CTU2: variants seen among roughly 807,000 people sequenced by gnomAD.
CTU2 encodes the protein cytosolic thiouridylase subunit 2, also known as cytoplasmic tRNA 2-thiolation protein 2.
CTU2 carries 80 observed loss-of-function variants against 64.1 expected under a neutral mutation model. The observed-to-expected ratio is 1.25, with a 90% CI of 1.04 to 1.50. The LOEUF is 1.50. CTU2 is among the 40% of genes most tolerant of loss of function. CTU2 has a pLI of 0.00. For synonymous variants in CTU2, 482 were observed against 285.3 expected (o/e 1.69, Z -6.95); for missense variants, 1,110 against 690.2 (o/e 1.61, Z -6.81).
chr16:88,706,659 C>T, intron 1 of CTU2, 61 bp downstream of exon 1: 2 of 1,232,582 alleles, frequency 1.6e-6, no homozygotes, highest in African/African-American at 1.6e-5. Flanking sequence ...ACTCCTGCCC[C>T]GAAGGGTCCC....
rs749568507 is a variant in CTU2 at position 88,710,303 on chromosome 16, G to A, written c.282+21G>A. ...TTGAGGTGCGTGTTCACCACCCCGT[G>A]GGCCCGGGCTGCTGGGCTGAGCTTC... On this transcript the variant is annotated intron_variant, in intron 4 of 14. Coordinates refer to ENST00000453996, the MANE Select transcript of CTU2 (RefSeq NM_001012759.3). 9.9e-6 allele frequency: 16 copies of A among 1,613,616 alleles called. 1 individual carries two copies. In the South Asian group the frequency reaches 1.6e-4, roughly 17 times the overall value.
intron 8 of CTU2, 29 bp from the exon 9 acceptor site, chr16:88,713,618 C>T (rs779773167): frequency 6.2e-7 from 1 of 1,605,870 alleles, no homozygotes; most frequent in South Asian, 1.1e-5. Context: ...GGGCCTTGAC[C>T]TGGACCACAC....
chr16:88,708,491 G>A (rs929639688), intron 2 of CTU2, among the ~76,000 whole-genome samples: 12 of 152,126 alleles, frequency 7.9e-5, no homozygotes, highest in African/African-American at 2.7e-4. Context: ...CAGTGCGGAG[G>A]TGAAGCCCAG....
At position 88,714,380 on chromosome 16, in the gene CTU2, C is replaced by T. The variant is rs773498927; in HGVS notation, c.1098-3C>T. ...ACCTGCTCCTCCCACAATCCGGCCACAGGACAAGTGAGAAGCTGGTGAAGG... is the reference window on the plus strand; with the variant it reads ...ACCTGCTCCTCCCACAATCCGGCCATAGGACAAGTGAGAAGCTGGTGAAGG... On this transcript the variant is annotated splice_region_variant and splice_polypyrimidine_tract_variant and intron_variant, in intron 10 of 14. Coordinates refer to ENST00000453996, the MANE Select transcript of CTU2 (RefSeq NM_001012759.3). 7 of 1,612,376 alleles carry T rather than the reference C, an allele frequency of 4.3e-6. No homozygotes were observed. Among genetic ancestry groups the T allele is most frequent in the East Asian group, 2.2e-5 (1 of 44,872 alleles).
In CTU2 at chr16:88,706,588, C is replaced by A; in HGVS notation, c.58C>A (p.Pro20Thr). 2 of 1,453,046 alleles carry A rather than the reference C, an allele frequency of 1.4e-6. No individual in the cohort carries two copies. Among genetic ancestry groups the A allele is most frequent in the Non-Finnish European group, 1.8e-6 (2 of 1,109,858 alleles). 90.0% of individuals were successfully genotyped at this position (1,453,046 alleles called of 1,614,324 possible). A position where few individuals can be genotyped will look rare whatever the true frequency, so the allele number is the denominator to read the frequency against. ...EPAPEEPPPA[P>T]RPSREQKCVK... is the part of the protein sequence containing the mutation. ...GGCGCCTGAGGAGCCGCCCCCGGCG[C>A]CGCGGCCCAGGTAAGAGCTGGCGGC... is the stretch of plus-strand genomic sequence containing the variant. Residue 20 changes from proline (P) to threonine (T), a missense_variant, in exon 1 of 15, where the codon CCG becomes ACG. By Grantham distance (38) the Pro-to-Thr change is conservative (BLOSUM62 -1). Transcript: ENST00000453996.
At position 88,707,136 on chromosome 16, in the gene CTU2, C is replaced by T. The variant is rs1164064240; in HGVS notation, c.69C>T (p.Ser23=). The T allele has an allele frequency of 5.0e-6, 8 of 1,613,752 alleles. No individual in the cohort carries two copies. The South Asian group carries it at 6.6e-5, about 13-fold the overall frequency. The change falls in exon 2 of 15, where the codon AGC becomes AGT. Residue 23 remains serine, a splice_region_variant and synonymous_variant. Transcript: ENST00000453996. ...CTTCTCCCCCCTCCCATCTCCAAAG[C>T]CGTGAGCAGAAGTGTGTGAAGTGCA... ...PEEPPPAPRP[S]REQKCVKCKE... is the part of the protein sequence containing the mutation.
chr16:88,714,187 C>G lies in CTU2; in HGVS notation c.1057C>G (p.Leu353Val), dbSNP rs919039314. The G allele has an allele frequency of 6.2e-7, 1 of 1,612,676 alleles. No homozygotes were observed. The highest frequency in any genetic ancestry group is 1.1e-5 in the South Asian group (1 of 91,084). The change falls in exon 10 of 15, where the codon CTG becomes GTG. Residue 353 changes from leucine to valine, a missense_variant. Leu to Val is a conservative substitution (Grantham distance 32, BLOSUM62 1). Coordinates refer to ENST00000453996, the MANE Select transcript of CTU2 (RefSeq NM_001012759.3). ...GCTGATGGAGGCCTTCATCCTCAGG[C>G]TGCAGACCCAGTTCCCCTCCACTGT... ...HRLMEAFILR[L>V]QTQFPSTVST...
At position 88,706,541 on chromosome 16, in the gene CTU2, T is replaced by G; in HGVS notation, c.11T>G (p.Val4Gly). ...GGACCCGGCGTGCCCATGTGTCAGGTGGGCGAGGACTACGGGGAGCCGGCG... is the reference window on the plus strand; with the variant it reads ...GGACCCGGCGTGCCCATGTGTCAGGGGGGCGAGGACTACGGGGAGCCGGCG... MCQ[V>G]GEDYGEPAPE... Residue 4 changes from valine (V) to glycine (G), a missense_variant, in exon 1 of 15, where the codon GTG (valine) becomes GGG (glycine). Val to Gly is a moderately radical substitution (Grantham distance 109, BLOSUM62 -3). Coordinates refer to ENST00000453996, the MANE Select transcript of CTU2 (RefSeq NM_001012759.3). The G allele has an allele frequency of 6.9e-7, 1 of 1,457,308 alleles. No homozygotes were observed. The highest frequency in any genetic ancestry group is 9.0e-7 in the Non-Finnish European group (1 of 1,111,678). 90.3% of individuals were successfully genotyped at this position (1,457,308 alleles called of 1,614,324 possible).
At chr16:88,713,494 C>G (rs535416172) in intron 8 of CTU2, 47 bp downstream of exon 8, 2 of 1,551,144 alleles carry the variant, frequency 1.3e-6, no homozygotes, top group Non-Finnish European at 1.7e-6. Context: ...CACCTTCACC[C>G]CTTCGGCCAC....
chr16:88,711,709 T>C lies in CTU2; in HGVS notation c.343+14T>C. 2.5e-6 allele frequency: 4 copies of C among 1,606,396 alleles called. No individual in the cohort carries two copies. Among genetic ancestry groups the C allele is most frequent in the South Asian group, 1.1e-5 (1 of 90,078 alleles). ...TCTTTGTTGACGGTATGTGGGGCCA[T>C]TGCTCCTCCTAGTCCCTGGCCACTT... On this transcript the variant is annotated intron_variant, in intron 5 of 14. Coordinates refer to ENST00000453996, the MANE Select transcript of CTU2 (RefSeq NM_001012759.3).
intron 9 of CTU2, 109 bp from the exon 10 acceptor site, chr16:88,714,027 C>T: frequency 8.5e-7 from 1 of 1,172,506 alleles, no homozygotes; most frequent in Non-Finnish European, 1.3e-6. Flanking sequence ...CAAAGCCAGA[C>T]CCATGTGGGC....
In CTU2 at chr16:88,714,031, T is replaced by C. The variant is rs1911626047; in HGVS notation, c.1006-105T>C. The C allele has an allele frequency of 1.4e-5, 17 of 1,185,740 alleles. No individual in the cohort carries two copies. The South Asian group carries it at 1.7e-4, about 12-fold the overall frequency. 73.5% of individuals were successfully genotyped at this position (1,185,740 alleles called of 1,614,324 possible). ...AGCAGTCGCAGCAAAGCCAGACCCA[T>C]GTGGGCCAGCAGCGTGGAACCCACG... On this transcript the variant is annotated intron_variant, in intron 9 of 14. Coordinates refer to ENST00000453996, the MANE Select transcript of CTU2 (RefSeq NM_001012759.3).
Position 88,708,421 on chromosome 16 carries a change from T to A in CTU2, c.143+1211T>A, listed in dbSNP as rs553206121. Reference sequence around the variant, plus strand: ...GGAGCCCAGACGCAGCATGTACACGTGGACCCACCACGCTTGAATCCCAGC... The same window carrying A: ...GGAGCCCAGACGCAGCATGTACACGAGGACCCACCACGCTTGAATCCCAGC... On this transcript the variant is annotated intron_variant, in intron 2 of 14. Transcript: ENST00000453996. Among the ~76,000 whole-genome samples the A allele has an allele frequency of 6.1e-3, 922 of 152,246 alleles. 12 individuals are homozygous for A. Among genetic ancestry groups the A allele is most frequent in the African/African-American group, 0.021 (862 of 41,528 alleles).
At chr16:88,707,684 C>A (rs534811727) in intron 2 of CTU2, among the ~76,000 whole-genome samples, 1 of 152,168 alleles carries the variant, frequency 6.6e-6, no homozygotes, top group Non-Finnish European at 1.5e-5. Flanking sequence ...TCTTTCTTGG[C>A]TTGTAGCCAT....
chr16:88,708,614 C>T (rs1034225455), intron 2 of CTU2, among the ~76,000 whole-genome samples: 3 of 152,180 alleles, frequency 2.0e-5, no homozygotes, highest in Non-Finnish European at 4.4e-5. Context: ...CACCTGGCAT[C>T]TTGCTGTTAA....
Position 88,713,433 on chromosome 16 carries a change from C to A in CTU2, c.859C>A (p.Leu287Met). The A allele has an allele frequency of 6.3e-7, 1 of 1,584,754 alleles. No individual in the cohort carries two copies. Residue 287 changes from leucine (L) to methionine (M), a missense_variant, in exon 8 of 15, where the codon CTG (leucine) becomes ATG (methionine). Coordinates refer to ENST00000453996, the MANE Select transcript of CTU2 (RefSeq NM_001012759.3). ...TNLALGRGAF[L>M]AWDTGFSDER... ...CCTGGCGCTGGGTCGAGGGGCCTTC[C>A]TGGCCTGGGATACGGTAGGCAGGGG...
chr16:88,709,272 A>T (rs1404763542), intron 2 of CTU2: 1 of 152,278 alleles, frequency 6.6e-6, no homozygotes, highest in Non-Finnish European at 1.5e-5. Flanking sequence ...ACACATCGAG[A>T]CCCTGTCTCT....
rs764367702 is a variant in CTU2 at position 88,714,709 on chromosome 16, C to G, written c.1324C>G (p.Gln442Glu). Residue 442 changes from glutamine (Q) to glutamate (E), a missense_variant, in exon 12 of 15, where the codon CAG becomes GAG. Physicochemically the swap from Gln to Glu is conservative, Grantham distance 29. Transcript: ENST00000453996. ...CTGTTCTCCAGGGGTGGGCTGGGCC[C>G]AGCGCTGTGGCCAGGGGGCCTGCAG... Reference protein sequence around the residue: ...PCCSPGVGWAQRCGQGACRRE... With the variant: ...PCCSPGVGWAERCGQGACRRE... 2 of 1,609,928 alleles carry G rather than the reference C, an allele frequency of 1.2e-6. No homozygotes were observed. The highest frequency in any genetic ancestry group is 1.7e-4 in the Middle Eastern group (1 of 6,056).
At chr16:88,713,923 C>A (rs1271988986) in intron 9 of CTU2, 145 bp downstream of exon 9, 50 of 1,238,812 alleles carry the variant, frequency 4.0e-5, no homozygotes, top group Non-Finnish European at 4.8e-5. Context: ...TCCTCTGAGC[C>A]CACCCTGTGC....
Sources: allele counts gnomAD v4.1 joint callset (sites outside exome capture counted in the v4.1 genomes callset), GRCh38; gene constraint gnomAD v4.1.1; transcripts MANE v1.5; gene names NCBI Gene and HGNC (gene_info 2026-07-23, HGNC 2026-07-21).